RPS6KA6: variants seen among roughly 807,000 people sequenced by gnomAD.
The protein encoded by RPS6KA6 is ribosomal protein S6 kinase alpha-6.
A neutral mutation model predicts 65.4 loss-of-function variants in RPS6KA6; 27 were observed. The ratio of observed to expected loss-of-function variants is 0.41; its 90% CI spans 0.30 to 0.57. The LOEUF (loss-of-function observed/expected upper bound fraction) is 0.57. Ranked by LOEUF, RPS6KA6 falls within the 20% of genes least tolerant of loss-of-function variation. RPS6KA6 has a pLI of 0.24. For synonymous variants in RPS6KA6, 190 were observed against 184.2 expected, an observed-to-expected ratio of 1.03 and a Z score of -0.26; for missense variants, 486 against 555.6, an observed-to-expected ratio of 0.87 and a Z score of 1.26.
At chrX:84,074,695 G>C (rs2033621996) in intron 20 of RPS6KA6, among the ~76,000 whole-genome samples, 1 of 111,078 alleles carries the variant, frequency 9.0e-6, no homozygotes, top group Non-Finnish European at 1.9e-5. Context: ...TTGACATTAA[G>C]AAAATAGAAT....
chrX:84,075,766 A>C (rs1256930437), intron 20 of RPS6KA6, among the ~76,000 whole-genome samples: 1 of 112,301 alleles, frequency 8.9e-6, no homozygotes. Flanking sequence ...TCAACCAATA[A>C]TTTTATATTG....
At chrX:84,092,057 G>A (rs1206077294) in intron 20 of RPS6KA6, among the ~76,000 whole-genome samples, 1 of 111,064 alleles carries the variant, frequency 9.0e-6, no homozygotes, top group African/African-American at 3.3e-5. Context: ...CAGGAGGAGA[G>A]TGAGCATCAG....
At chrX:84,114,884 A>G (rs1213338755) in intron 12 of RPS6KA6, among the ~76,000 whole-genome samples, 1 of 111,866 alleles carries the variant, frequency 8.9e-6, no homozygotes, top group East Asian at 2.8e-4. Flanking sequence ...AACACATGGT[A>G]TTGGGAAAAT....
intron 1 of RPS6KA6, among the ~76,000 whole-genome samples, chrX:84,166,540 A>G (rs2035599597): frequency 8.9e-6 from 1 of 111,963 alleles, no homozygotes; most frequent in Non-Finnish European, 1.9e-5. Flanking sequence ...ATGTCATCCA[A>G]TATGAAGAAA....
Position 84,068,831 on chromosome X carries a change from A to G in RPS6KA6, c.1972-3720T>C, listed in dbSNP as rs1198829129. ...AAATTCCCATTCACAATTGCTATAA[A>G]GAGAATAAAGGAATACAACTTAACA... On this transcript the variant is annotated intron_variant, in intron 20 of 21. Transcript: ENST00000262752. 3.6e-5 allele frequency among the ~76,000 whole-genome samples: 4 copies of G among 111,737 alleles called. No individual in the cohort carries two copies. In the South Asian group the frequency reaches 1.1e-3, roughly 32 times the overall value.
intron 19 of RPS6KA6, among the ~76,000 whole-genome samples, 199 bp from the exon 20 acceptor site, chrX:84,096,510 T>A (rs1030596906): frequency 1.8e-5 from 2 of 111,570 alleles, no homozygotes; most frequent in Non-Finnish European, 3.8e-5. Flanking sequence ...AAATGGAGAA[T>A]CTTGTTTACA....
intron 7 of RPS6KA6, 107 bp from the exon 8 acceptor site, chrX:84,134,926 TA>T: frequency 1.6e-6 from 1 of 620,119 alleles, no homozygotes; most frequent in South Asian, 3.2e-5. Context: ...TTAATATATG[TA>T]AAAAATTTAA....
At chrX:84,182,986 T>C (rs972661600) in intron 1 of RPS6KA6, among the ~76,000 whole-genome samples, 2 of 112,470 alleles carry the variant, frequency 1.8e-5, no homozygotes, top group South Asian at 3.7e-4. Flanking sequence ...TTTTAGCTAG[T>C]AATAAGTGTA....
chrX:84,088,234 T>A (rs2033968617), intron 20 of RPS6KA6, among the ~76,000 whole-genome samples: 1 of 112,351 alleles, frequency 8.9e-6, no homozygotes, highest in Admixed American at 9.4e-5. Flanking sequence ...TTGCATTATT[T>A]CTCATCTTTG....
intron 6 of RPS6KA6, 145 bp from the exon 7 acceptor site, chrX:84,135,355 T>A (rs1370977877): frequency 2.5e-6 from 1 of 401,013 alleles, no homozygotes; most frequent in Non-Finnish European, 4.3e-6. Flanking sequence ...ACTGGCATAA[T>A]TATTGGCAAT....
chrX:84,143,645 C>T (rs1374131489), intron 6 of RPS6KA6, among the ~76,000 whole-genome samples: 1 of 111,376 alleles, frequency 9.0e-6, no homozygotes, highest in African/African-American at 3.2e-5. Context: ...AAAATTCCAA[C>T]CAATATCCCA....
chrX:84,135,586 T>C (rs1189846485), intron 6 of RPS6KA6, among the ~76,000 whole-genome samples: 1 of 111,301 alleles, frequency 9.0e-6, no homozygotes, highest in Non-Finnish European at 1.9e-5. Flanking sequence ...ACCCTTAGGG[T>C]ATTTGAAATA....
chrX:84,183,381 C>T (rs1349395579), intron 1 of RPS6KA6, among the ~76,000 whole-genome samples: 1 of 111,710 alleles, frequency 9.0e-6, no homozygotes, highest in Non-Finnish European at 1.9e-5. Context: ...ACTACTTCCA[C>T]TAACACAATA....
chrX:84,149,539 T>C (rs1474826275), intron 3 of RPS6KA6, among the ~76,000 whole-genome samples: 3 of 112,061 alleles, frequency 2.7e-5, no homozygotes, highest in Non-Finnish European at 3.8e-5. Flanking sequence ...ATAGCAAGCA[T>C]GAAAACAACA....
At chrX:84,128,383 A>G (rs1036097410) in intron 8 of RPS6KA6, among the ~76,000 whole-genome samples, 7 of 111,957 alleles carry the variant, frequency 6.3e-5, no homozygotes, top group African/African-American at 2.3e-4. Context: ...AAGATATTCC[A>G]AGTTCATGAA....
At chrX:84,172,674 T>C (rs765393195) in intron 1 of RPS6KA6, among the ~76,000 whole-genome samples, 4 of 112,130 alleles carry the variant, frequency 3.6e-5, no homozygotes, top group Non-Finnish European at 7.5e-5. Flanking sequence ...CCTATGTTCA[T>C]AGCAGCATTA....
At chrX:84,123,133 C>T (rs72632459) in intron 8 of RPS6KA6, among the ~76,000 whole-genome samples, 13,466 of 110,859 alleles carry the variant, frequency 0.12, 797 homozygotes, top group East Asian at 0.52. Flanking sequence ...GAACCCAGTC[C>T]TGGCAGGATT....
chrX:84,078,984 AACTC>A (rs1183133177), intron 20 of RPS6KA6, among the ~76,000 whole-genome samples: 1 of 111,635 alleles, frequency 9.0e-6, no homozygotes, highest in Non-Finnish European at 1.9e-5. Flanking sequence ...AAAATAAAAA[AACTC>A]AACAGTCTAG....
At chrX:84,137,287 A>AT (rs754177220) in intron 6 of RPS6KA6, among the ~76,000 whole-genome samples, 1 of 111,762 alleles carries the variant, frequency 8.9e-6, no homozygotes, top group East Asian at 2.8e-4. Context: ...TTTAAAACTT[A>AT]TTTATAAATA....
Sources: allele counts gnomAD v4.1 joint callset (sites outside exome capture counted in the v4.1 genomes callset), GRCh38; gene constraint gnomAD v4.1.1; transcripts MANE v1.5; gene names NCBI Gene and HGNC (gene_info 2026-07-23, HGNC 2026-07-21).